Variants in ADH4 observed in about 807,000 individuals in gnomAD.
The protein encoded by ADH4 is alcohol dehydrogenase 4 (class II), pi polypeptide, also known as all-trans-retinol dehydrogenase [NAD(+)] ADH4.
Under a neutral mutation model 35.2 loss-of-function variants are expected in ADH4, and 31 were observed. That is an observed-to-expected ratio of 0.88 (90% CI 0.66 to 1.19). The LOEUF (loss-of-function observed/expected upper bound fraction) is 1.19, where lower values mean the gene tolerates loss of function less well. ADH4 is among the 50% of genes most tolerant of loss of function. The pLI, the probability that ADH4 is intolerant of heterozygous loss-of-function variation, is 0.00. For missense variants in ADH4, 476 were observed against 458.3 expected (o/e 1.04, Z -0.35); for synonymous variants, 171 against 160.2 (o/e 1.07, Z -0.51).
chr4:99,128,390 C>T (rs1488014814), intron 6 of ADH4, among the ~76,000 whole-genome samples: 2 of 152,098 alleles, frequency 1.3e-5, no homozygotes, highest in African/African-American at 2.4e-5. Context: ...GAGCCAAAAT[C>T]GTGCCACTGC....
At position 99,129,299 on chromosome 4, in the gene ADH4, A is replaced by G. The variant is rs28987094; in HGVS notation, c.844-1955T>C. Among the ~76,000 whole-genome samples, 464 of 152,224 alleles carry G rather than the reference A, an allele frequency of 3.0e-3. 2 individuals carry two copies. Among genetic ancestry groups the G allele is most frequent in the Non-Finnish European group, 5.1e-3 (348 of 68,006 alleles). Reference sequence around the variant, plus strand: ...TGGTAAAATCTTGTCCTAAAATAAAATGACTTATTATTTAAAAGGAAAAAA... The same window carrying G: ...TGGTAAAATCTTGTCCTAAAATAAAGTGACTTATTATTTAAAAGGAAAAAA... On this transcript the variant is annotated intron_variant, in intron 6 of 8. Transcript: ENST00000265512.
At position 99,139,131 on chromosome 4, in the gene ADH4, G is replaced by A; in HGVS notation, c.280C>T (p.Leu94Phe). 6.2e-7 allele frequency: 1 copy of A among 1,613,016 alleles called. No homozygotes were observed. Among genetic ancestry groups the A allele is most frequent in the Admixed American group, 1.7e-5 (1 of 59,892 alleles). The change falls in exon 4 of 9, where the codon CTT (leucine) becomes TTT (phenylalanine). Residue 94 changes from leucine (L) to phenylalanine (F), a missense_variant. Physicochemically the swap from Leu to Phe is conservative, Grantham distance 22. Transcript: ENST00000265512. ...CATTTTCTACATAGAGGTGCATAAA[G>A]TGGAATTACTTTGTCACCTAGAAAG... ...NVKPGDKVIP[L>F]YAPLCRKCKF...
At position 99,141,549 on chromosome 4, in the gene ADH4, A is replaced by G. The variant is rs1205820536; in HGVS notation, c.254T>C (p.Val85Ala). Residue 85 changes from valine (V) to alanine (A), a missense_variant, in exon 3 of 9, where the codon GTC becomes GCC. Coordinates refer to ENST00000265512, the MANE Select transcript of ADH4 (RefSeq NM_000670.5). ...VESIGPGVTN[V>A]KPGDKVIPLY... The stretch of plus-strand genomic sequence containing the variant: ...TGAATAAAATAAAATACCTGGTTTG[A>G]CGTTGGTCACTCCTGGCCCAATACT... The G allele has an allele frequency of 1.2e-6, 2 of 1,607,232 alleles. No individual in the cohort carries two copies. The highest frequency in any genetic ancestry group is 1.7e-6 in the Non-Finnish European group (2 of 1,177,768).
At chr4:99,128,200 C>T (rs976845335) in intron 6 of ADH4, among the ~76,000 whole-genome samples, 7 of 152,076 alleles carry the variant, frequency 4.6e-5, no homozygotes, top group Non-Finnish European at 8.8e-5. Context: ...TTTGGGAGGC[C>T]AAGGCAGGTG....
At position 99,139,144 on chromosome 4, in the gene ADH4, G is replaced by A; in HGVS notation, c.267C>T (p.Asp89=). 6.2e-7 allele frequency: 1 copy of A among 1,611,438 alleles called. No individual in the cohort carries two copies. The highest frequency in any genetic ancestry group is 8.5e-7 in the Non-Finnish European group (1 of 1,178,204). The change falls in exon 4 of 9, where the codon GAC becomes GAT. Residue 89 remains aspartate, a synonymous_variant. Coordinates refer to ENST00000265512, the MANE Select transcript of ADH4 (RefSeq NM_000670.5). ...GPGVTNVKPG[D]KVIPLYAPLC... is the part of the protein sequence containing the mutation. ...GAGGTGCATAAAGTGGAATTACTTTGTCACCTAGAAAGAAAGGCCATATGT... is the reference window on the plus strand; with the variant it reads ...GAGGTGCATAAAGTGGAATTACTTTATCACCTAGAAAGAAAGGCCATATGT...
At chr4:99,136,762 T>C in intron 4 of ADH4, 65 bp from the exon 5 acceptor site, 1 of 1,015,052 alleles carries the variant, frequency 9.9e-7, no homozygotes, top group African/African-American at 1.6e-5. Context: ...ACACTGATCA[T>C]TTTCCTACAA....
intron 1 of ADH4, chr4:99,143,015 G>GAA (rs4148889): frequency 0.026 from 14,413 of 555,810 alleles, no homozygotes; most frequent in East Asian, 0.057. Flanking sequence ...TTTATTTCTT[G>GAA]AAAAAAAAAC....
At chr4:99,137,481 C>T (rs774144366) in intron 4 of ADH4, among the ~76,000 whole-genome samples, 1 of 152,094 alleles carries the variant, frequency 6.6e-6, no homozygotes, top group Admixed American at 6.5e-5. Context: ...AGGCTGGTCT[C>T]GAACTCCTGA....
At chr4:99,141,999 C>A (rs545771204) in intron 2 of ADH4, among the ~76,000 whole-genome samples, 1 of 152,148 alleles carries the variant, frequency 6.6e-6, no homozygotes, top group Non-Finnish European at 1.5e-5. Flanking sequence ...GGTAATACAC[C>A]TTTTACAGTT....
intron 4 of ADH4, 126 bp downstream of exon 4, chr4:99,138,935 C>T: frequency 1.6e-6 from 1 of 628,982 alleles, no homozygotes; most frequent in Non-Finnish European, 2.8e-6. Context: ...GTATCTTGTA[C>T]ACACCTAGGA....
chr4:99,132,524 TG>T (rs33958017), intron 5 of ADH4, among the ~76,000 whole-genome samples: 152,304 of 152,304 alleles, frequency 1, 76,152 homozygotes, highest in Non-Finnish European at 1. Flanking sequence ...TGTGGGTGTA[TG>T]GTGTGTTTCT....
intron 3 of ADH4, 79 bp from the exon 4 acceptor site, chr4:99,139,227 C>G (rs1323787523): frequency 2.2e-6 from 2 of 893,392 alleles, no homozygotes; most frequent in African/African-American, 1.7e-5. Flanking sequence ...TGGAAAACAC[C>G]TTTTCTTTAT....
intron 3 of ADH4, among the ~76,000 whole-genome samples, chr4:99,141,067 G>A (rs1333799679): frequency 2.0e-5 from 3 of 152,088 alleles, no homozygotes; most frequent in Non-Finnish European, 4.4e-5. Context: ...AGGACCCAGT[G>A]TGCCTGTCAT....
intron 3 of ADH4, among the ~76,000 whole-genome samples, chr4:99,141,267 A>C (rs1729605902): frequency 6.6e-6 from 1 of 152,218 alleles, no homozygotes; most frequent in Non-Finnish European, 1.5e-5. Flanking sequence ...AGTTTCAGTT[A>C]GAGCTAACCT....
Position 99,123,999 on chromosome 4 carries a change from T to G in ADH4, c.*443A>C. 5.8e-6 allele frequency: 1 copy of G among 172,056 alleles called. No individual in the cohort carries two copies. The highest frequency in any genetic ancestry group is 1.2e-5 in the Non-Finnish European group (1 of 82,388). 10.7% of individuals were successfully genotyped at this position (172,056 alleles called of 1,614,324 possible). A position where few individuals can be genotyped will look rare whatever the true frequency, so the allele number is the denominator to read the frequency against. On this transcript the variant is annotated 3_prime_UTR_variant, in exon 9 of 9. Transcript: ENST00000265512. Reference sequence around the variant, plus strand: ...TGCCCTCAACAGGCCCCAGTGTGTGTTGTTCCCCATCATGTGTCCATGTGT... The same window carrying G: ...TGCCCTCAACAGGCCCCAGTGTGTGGTGTTCCCCATCATGTGTCCATGTGT...
intron 1 of ADH4, 62 bp downstream of exon 1, chr4:99,144,143 A>C: frequency 6.3e-7 from 1 of 1,588,638 alleles, no homozygotes; most frequent in Non-Finnish European, 8.6e-7. Flanking sequence ...AGCTCCTTTT[A>C]GCCAAACATA....
rs1560777030 is a variant in ADH4 at position 99,131,724 on chromosome 4, C to T, written c.623G>A (p.Gly208Asp). Residue 208 changes from glycine to aspartate, a missense_variant, in exon 6 of 9, where the codon GGT becomes GAT. Physicochemically the swap from Gly to Asp is moderately conservative, Grantham distance 94 (BLOSUM62 -1). Coordinates refer to ENST00000265512, the MANE Select transcript of ADH4 (RefSeq NM_000670.5). ...ACCCATTACAGCAGAAAGACCCACA[C>T]CTCCTAGGCCAAAGACAGCACAAGT... ...GSTCAVFGLGGVGLSAVMGCK... is the reference protein window; with the variant it reads ...GSTCAVFGLGDVGLSAVMGCK... 6.2e-7 allele frequency: 1 copy of T among 1,614,170 alleles called. No homozygotes were observed.
chr4:99,135,433 A>C (rs1729406960), intron 5 of ADH4, among the ~76,000 whole-genome samples: 1 of 152,196 alleles, frequency 6.6e-6, no homozygotes, highest in African/African-American at 2.4e-5. Flanking sequence ...TGTCTCAAAA[A>C]AGAAAAAAAT....
intron 8 of ADH4, 121 bp downstream of exon 8, chr4:99,126,451 ACTATTTAATCTTTTAAGCACAT>A: frequency 1.0e-5 from 7 of 698,610 alleles, no homozygotes; most frequent in Non-Finnish European, 1.6e-5. Context: ...TGAAATGACC[ACTATTTAATCTTTTAAGCACAT>A]CTAGTACCTG....
Sources: gnomAD v4.1 joint callset for allele counts (sites outside exome capture counted in the v4.1 genomes callset) on GRCh38, gnomAD v4.1.1 for gene constraint, MANE v1.5 for transcripts, NCBI Gene and HGNC (gene_info 2026-07-23, HGNC 2026-07-21) for gene names.